The following TRMU variants were observed in gnomAD, a reference collection of about 807,000 sequenced individuals.
The protein encoded by TRMU is mitochondrial tRNA-specific 2-thiouridylase 1.
A neutral mutation model predicts 46.9 loss-of-function variants in TRMU; 49 were observed. The ratio of observed to expected loss-of-function variants is 1.05; its 90% CI spans 0.83 to 1.33. The LOEUF is 1.33. TRMU is among the 40% of genes most tolerant of loss of function. TRMU has a pLI of 0.00. For synonymous variants in TRMU, 241 were observed against 200.9 expected (o/e 1.20, Z -1.69); for missense variants, 572 against 532.4 (o/e 1.07, Z -0.73).
chr22:46,353,023 G>C (rs1272591924), intron 7 of TRMU: 1 of 163,754 alleles, frequency 6.1e-6, no homozygotes, highest in Admixed American at 5.6e-5. Context: ...AGGGCGTCTT[G>C]CAGTGAATTG....
chr22:46,356,412 G>A (rs1602001091), intron 10 of TRMU: 1 of 436,252 alleles, frequency 2.3e-6, no homozygotes, highest in East Asian at 4.5e-5. Flanking sequence ...GGCCGAGTGT[G>A]CAGGAGCTCC....
intron 2 of TRMU, among the ~76,000 whole-genome samples, chr22:46,341,972 C>T (rs1224867217): frequency 1.3e-5 from 2 of 151,872 alleles, no homozygotes; most frequent in Non-Finnish European, 2.9e-5. Context: ...CTCCTCTGTT[C>T]TCATCACGGC....
intron 4 of TRMU, among the ~76,000 whole-genome samples, 198 bp downstream of exon 4, chr22:46,346,742 C>T (rs2078268937): frequency 6.6e-6 from 1 of 152,206 alleles, no homozygotes; most frequent in African/African-American, 2.4e-5. Context: ...GGGTAGTAAA[C>T]AGTGTCCCTG....
Position 46,357,125 on chromosome 22 carries a change from G to A in TRMU, c.*119G>A. ...GCCCAAAGCAGAGGAAGCCGGGCTGGCTGAGGGTCCGAAAAGCCTGCAGGG... is the reference window on the plus strand; with the variant it reads ...GCCCAAAGCAGAGGAAGCCGGGCTGACTGAGGGTCCGAAAAGCCTGCAGGG... On this transcript the variant is annotated 3_prime_UTR_variant, in exon 11 of 11. Coordinates refer to ENST00000645190, the MANE Select transcript of TRMU (RefSeq NM_018006.5). 6.9e-7 allele frequency: 1 copy of A among 1,454,252 alleles called. No individual in the cohort carries two copies. The highest frequency in any genetic ancestry group is 9.4e-7 in the Non-Finnish European group (1 of 1,065,896). 90.1% of individuals were successfully genotyped at this position (1,454,252 alleles called of 1,614,324 possible).
intron 1 of TRMU, 113 bp from the exon 2 acceptor site, chr22:46,337,666 G>C: frequency 7.1e-7 from 1 of 1,409,962 alleles, no homozygotes; most frequent in Non-Finnish European, 9.8e-7. Context: ...GGCAGGCCAG[G>C]CACAGAGGCA....
At chr22:46,345,590 C>T (rs1480570060) in intron 3 of TRMU, among the ~76,000 whole-genome samples, 1 of 152,126 alleles carries the variant, frequency 6.6e-6, no homozygotes, top group Non-Finnish European at 1.5e-5. Flanking sequence ...TGAGATTTTT[C>T]TTCAACTGTT....
intron 7 of TRMU, chr22:46,352,812 G>A (rs1321836489): frequency 3.6e-6 from 1 of 276,596 alleles, no homozygotes; most frequent in Non-Finnish European, 7.1e-6. Context: ...GCCTGCGTGA[G>A]CCTGTGCTGT....
rs1205235942 is a variant in TRMU, at chr22:46,350,965, C to T, written c.651+502C>T. On this transcript the variant is annotated intron_variant, in intron 5 of 10. Coordinates refer to ENST00000645190, the MANE Select transcript of TRMU (RefSeq NM_018006.5). This position sits in a 1 kb window ranked among gnomAD's most constrained non-coding sequence, Gnocchi z 4.6. ...CCATCTTCGCCTCCATGGAGCCCGC[C>T]CGCGAGTGGGGGACACAGGCAGGAG... 1.3e-5 allele frequency among the ~76,000 whole-genome samples: 2 copies of T among 152,216 alleles called. No homozygotes were observed. Among genetic ancestry groups the T allele is most frequent in the Non-Finnish European group, 2.9e-5 (2 of 68,048 alleles).
rs2078033713 is a variant in TRMU, at chr22:46,338,298, G to A, written c.248+354G>A. ...CAATGCCTGTGTGCTATGTGGGTCA[G>A]CGATTAGGGGATTTCTGAGAAAGAG... On this transcript the variant is annotated intron_variant, in intron 2 of 10. Transcript: ENST00000645190. The surrounding 1 kb of genome is among the most constrained non-coding windows in gnomAD (Gnocchi z 4.5). 1 of 312,028 alleles carries A rather than the reference G, an allele frequency of 3.2e-6. No homozygotes were observed. Among genetic ancestry groups the A allele is most frequent in the Non-Finnish European group, 6.3e-6 (1 of 159,002 alleles). The allele number at this position is 312,028 out of a possible 1,614,324, so 19.3% of individuals were successfully genotyped here.
chr22:46,352,305 C>T lies in TRMU; in HGVS notation c.747C>T (p.Asp249=). ...CTGGTCACTTTATTTCCATAGAAGACAATAAGGTTCTGGGAACACATAAAG... is the reference window on the plus strand; with the variant it reads ...CTGGTCACTTTATTTCCATAGAAGATAATAAGGTTCTGGGAACACATAAAG... ...PRPGHFISIE[D]NKVLGTHKGW... Residue 249 remains aspartate, a synonymous_variant, in exon 7 of 11, where the codon GAC becomes GAT. Coordinates refer to ENST00000645190, the MANE Select transcript of TRMU (RefSeq NM_018006.5). 6.2e-7 allele frequency: 1 copy of T among 1,614,034 alleles called. No homozygotes were observed. The highest frequency in any genetic ancestry group is 8.5e-7 in the Non-Finnish European group (1 of 1,180,024).
In TRMU at chr22:46,349,148, A is replaced by C. The variant is rs1422626818; in HGVS notation, c.479-1143A>C. 5.9e-5 allele frequency among the ~76,000 whole-genome samples: 9 copies of C among 152,172 alleles called. No individual in the cohort carries two copies. In the East Asian group the frequency reaches 1.7e-3, roughly 29 times the overall value. On this transcript the variant is annotated intron_variant, in intron 4 of 10. Coordinates refer to ENST00000645190, the MANE Select transcript of TRMU (RefSeq NM_018006.5). The surrounding 1 kb of genome is among the most constrained non-coding windows in gnomAD (Gnocchi z 4.6). ...GCGAGACTCCATCTCAAAAAAAAAA[A>C]AAAAAGTGGACTCTGGAAAGTGCTC...
rs199793990 is a variant in TRMU at position 46,352,129 on chromosome 22, C to T, written c.660C>T (p.Gly220=). The change falls in exon 6 of 11, where the codon GGC becomes GGT. Residue 220 remains glycine, a synonymous_variant. Transcript: ENST00000645190. ...HHVLQKKESM[G]MCFIGKRNFE... Reference sequence around the variant, plus strand: ...CCGTCTTCTCATTTCAGAGCATGGGCATGTGTTTCATCGGGAAGAGGAATT... The same window carrying T: ...CCGTCTTCTCATTTCAGAGCATGGGTATGTGTTTCATCGGGAAGAGGAATT... 37 of 1,613,450 alleles carry T rather than the reference C, an allele frequency of 2.3e-5. No homozygotes were observed. Among genetic ancestry groups the T allele is most frequent in the African/African-American group, 2.1e-4 (16 of 75,022 alleles).
intron 3 of TRMU, among the ~76,000 whole-genome samples, 169 bp downstream of exon 3, chr22:46,343,537 C>T (rs1406467972): frequency 2.0e-5 from 3 of 152,070 alleles, no homozygotes; most frequent in Non-Finnish European, 4.4e-5. Flanking sequence ...AGGCATGCCA[C>T]CATGGTGGCT....
In TRMU at chr22:46,348,524, C is replaced by T. The variant is rs565009210; in HGVS notation, c.479-1767C>T. On this transcript the variant is annotated intron_variant, in intron 4 of 10. Coordinates refer to ENST00000645190, the MANE Select transcript of TRMU (RefSeq NM_018006.5). This position sits in a 1 kb window ranked among gnomAD's most constrained non-coding sequence, Gnocchi z 4.8. Reference sequence around the variant, plus strand: ...AGGGTCGGTCAGCACCTGAGACCAGCGCTCCTAGGCCTGGCCTGTGACTGG... The same window carrying T: ...AGGGTCGGTCAGCACCTGAGACCAGTGCTCCTAGGCCTGGCCTGTGACTGG... Among the ~76,000 whole-genome samples the T allele has an allele frequency of 3.3e-5, 5 of 152,294 alleles. No individual in the cohort carries two copies. In the South Asian group the frequency reaches 6.2e-4, roughly 19 times the overall value.
rs1384816267 is a variant in TRMU, at chr22:46,338,383, A to G, written c.248+439A>G. Among the ~76,000 whole-genome samples, 3 of 152,248 alleles carry G rather than the reference A, an allele frequency of 2.0e-5. No individual in the cohort carries two copies. The highest frequency in any genetic ancestry group is 1.9e-4 in the East Asian group (1 of 5,206). ...CAAACAAAAACTTTTCTAAAATCCA[A>G]TATAATCTCAATAATTAAGTGCTGT... On this transcript the variant is annotated intron_variant, in intron 2 of 10. Coordinates refer to ENST00000645190, the MANE Select transcript of TRMU (RefSeq NM_018006.5). The surrounding 1 kb of genome is among the most constrained non-coding windows in gnomAD (Gnocchi z 4.5).
At chr22:46,341,298 G>C (rs1476210531) in intron 2 of TRMU, among the ~76,000 whole-genome samples, 1 of 152,224 alleles carries the variant, frequency 6.6e-6, no homozygotes, top group Admixed American at 6.5e-5. Flanking sequence ...AGTTTGTTGG[G>C]TCTAGGACAC....
rs762562205 is a variant in TRMU at position 46,356,823 on chromosome 22, C to T, written c.1102-19C>T. 3.1e-6 allele frequency: 5 copies of T among 1,612,114 alleles called. No homozygotes were observed. The highest frequency in any genetic ancestry group is 1.7e-4 in the Middle Eastern group (1 of 6,022). On this transcript the variant is annotated intron_variant, in intron 10 of 10. Transcript: ENST00000645190. Reference sequence around the variant, plus strand: ...TGGCTCCCTGTGGCACCCCTGATGCCAGGGTCTCTCCCCTACAGTTTGCTG... The same window carrying T: ...TGGCTCCCTGTGGCACCCCTGATGCTAGGGTCTCTCCCCTACAGTTTGCTG...
At chr22:46,352,967 C>G (rs865868000) in intron 7 of TRMU, 4 of 175,228 alleles carry the variant, frequency 2.3e-5, no homozygotes, top group Admixed American at 5.4e-5. Context: ...CAGCACAGAC[C>G]TGAGCTGTGG....
rs1569077209 is a variant in TRMU at position 46,349,993 on chromosome 22, TTTC to T, written c.479-295_479-293del. ...TTTATTTTAGGTGTTTTTTTTTTTT[TTTC>T]TTATCACTTGAGAACATTTTTTCAT... On this transcript the variant is annotated intron_variant, in intron 4 of 10. Transcript: ENST00000645190. The surrounding 1 kb of genome is among the most constrained non-coding windows in gnomAD (Gnocchi z 4.6). 6.6e-6 allele frequency among the ~76,000 whole-genome samples: 1 copy of T among 152,192 alleles called. No individual in the cohort carries two copies. The highest frequency in any genetic ancestry group is 1.5e-5 in the Non-Finnish European group (1 of 68,036).
Sources: allele counts gnomAD v4.1 joint callset (sites outside exome capture counted in the v4.1 genomes callset), GRCh38; gene constraint gnomAD v4.1.1; non-coding constraint Gnocchi (gnomAD v3.1); transcripts MANE v1.5; gene names NCBI Gene and HGNC (gene_info 2026-07-23, HGNC 2026-07-21).